MRE11: variants seen among roughly 807,000 people sequenced by gnomAD.
The protein encoded by MRE11 is double-strand break repair protein MRE11.
A neutral mutation model predicts 91.7 loss-of-function variants in MRE11; 62 were observed. The ratio of observed to expected loss-of-function variants is 0.68; its 90% CI spans 0.55 to 0.84. The LOEUF is 0.84. Among genes scored for constraint, MRE11 ranks in the 40% least tolerant of loss-of-function variants. MRE11 has a pLI of 0.00. For synonymous variants in MRE11, 273 were observed against 271.4 expected (o/e 1.01, Z -0.06); for missense variants, 796 against 852.9 (o/e 0.93, Z 0.83).
chr11:94,487,437 C>G (rs921190312), intron 3 of MRE11, among the ~76,000 whole-genome samples: 3 of 152,066 alleles, frequency 2.0e-5, no homozygotes, highest in African/African-American at 7.2e-5. Context: ...GAGGAAGATT[C>G]TATAAAATAA....
intron 5 of MRE11, among the ~76,000 whole-genome samples, chr11:94,479,364 T>C (rs888685265): frequency 4.6e-5 from 7 of 152,190 alleles, no homozygotes; most frequent in Non-Finnish European, 8.8e-5. Context: ...TGAGATTTTA[T>C]AAGATAGTTA....
rs201153937 is a variant in MRE11 at position 94,461,003 on chromosome 11, T to G, written c.1259A>C (p.Lys420Thr). 4.3e-6 allele frequency: 7 copies of G among 1,613,674 alleles called. No individual in the cohort carries two copies. In the East Asian group the frequency reaches 1.6e-4, roughly 36 times the overall value. The change falls in exon 12 of 20, where the codon AAG (lysine) becomes ACG (threonine). Residue 420 changes from lysine to threonine, a missense_variant. Physicochemically the swap from Lys to Thr is moderately conservative, Grantham distance 78. Transcript: ENST00000323929. ...EEINFGKLIT[K>T]PSEGTTLRVE... ...CCTTAAAGTTGTTCCTTCTGAAGGC[T>G]TTGTGATAAGTTTCCCAAAGTTGAT...
intron 11 of MRE11, 65 bp downstream of exon 11, chr11:94,464,048 T>A (rs575107214): frequency 1.3e-4 from 197 of 1,531,852 alleles, no homozygotes; most frequent in Non-Finnish European, 1.7e-4. Flanking sequence ...TTACAGTTTT[T>A]AATAAAGATT....
intron 11 of MRE11, among the ~76,000 whole-genome samples, chr11:94,463,526 C>A (rs1946476802): frequency 6.6e-6 from 1 of 152,138 alleles, no homozygotes; most frequent in Admixed American, 6.5e-5. Context: ...GACTTGGAAC[C>A]AACCCAAATT....
rs746675755 is a variant in MRE11, at chr11:94,470,576, C to T, written c.912G>A (p.Val304=). The change falls in exon 9 of 20, where the codon GTG becomes GTA. Residue 304 remains valine, a synonymous_variant. Coordinates refer to ENST00000323929, the MANE Select transcript of MRE11 (RefSeq NM_005591.4). ...MNMHKIPLHT[V]RQFFMEDIVL... is the part of the protein sequence containing the mutation. The stretch of plus-strand genomic sequence containing the variant: ...CAATATCCTCCATGAAAAACTGCCG[C>T]ACTGTGTGAAGAGGAATTTTATGCA... 5.0e-6 allele frequency: 8 copies of T among 1,613,188 alleles called. No homozygotes were observed. The Admixed American group carries it at 1.0e-4, about 20-fold the overall frequency.
upstream of MRE11, among the ~76,000 whole-genome samples, chr11:94,495,158 G>A (rs533259970): frequency 1.3e-5 from 2 of 152,240 alleles, no homozygotes; most frequent in Non-Finnish European, 2.9e-5. Flanking sequence ...TAGTGCTATT[G>A]CCACTAGTAA....
At position 94,460,988 on chromosome 11, in the gene MRE11, G is replaced by A. The variant is rs777730625; in HGVS notation, c.1274C>T (p.Thr425Ile). The A allele has an allele frequency of 6.2e-7, 1 of 1,613,750 alleles. No homozygotes were observed. Among genetic ancestry groups the A allele is most frequent in the South Asian group, 1.1e-5 (1 of 91,078 alleles). Residue 425 changes from threonine to isoleucine, a missense_variant, in exon 12 of 20, where the codon ACA becomes ATA. Thr to Ile is a moderately conservative substitution (Grantham distance 89, BLOSUM62 -1). Transcript: ENST00000323929. ...TACAAGATCTTCTACCCTTAAAGTT[G>A]TTCCTTCTGAAGGCTTTGTGATAAG... Reference protein sequence around the residue: ...GKLITKPSEGTTLRVEDLVKQ... With the variant: ...GKLITKPSEGITLRVEDLVKQ...
At chr11:94,469,048 T>A (rs1946641823) in intron 9 of MRE11, among the ~76,000 whole-genome samples, 1 of 152,036 alleles carries the variant, frequency 6.6e-6, no homozygotes, top group African/African-American at 2.4e-5. Flanking sequence ...TAATATAACT[T>A]AACTAAGTAC....
intron 4 of MRE11, among the ~76,000 whole-genome samples, chr11:94,480,320 T>C (rs1299782674): frequency 6.6e-6 from 1 of 152,230 alleles, no homozygotes; most frequent in Non-Finnish European, 1.5e-5. Context: ...ACATAAATGA[T>C]AGAAAAATAT....
intron 10 of MRE11, among the ~76,000 whole-genome samples, chr11:94,467,033 G>A (rs1197852108): frequency 6.6e-6 from 1 of 152,182 alleles, no homozygotes; most frequent in Non-Finnish European, 1.5e-5. Context: ...GATGAGACAC[G>A]ATCTATTGGA....
the MRE11 span, among the ~76,000 whole-genome samples, chr11:94,502,014 T>A: frequency 6.6e-6 from 1 of 152,038 alleles, no homozygotes; most frequent in Non-Finnish European, 1.5e-5. Flanking sequence ...ATGAAAGTTC[T>A]TATATATATA....
Position 94,419,334 on chromosome 11 carries a change from T to C in MRE11, c.*791A>G, listed in dbSNP as rs1322429201. On this transcript the variant is annotated 3_prime_UTR_variant, in exon 20 of 20. Coordinates refer to ENST00000323929, the MANE Select transcript of MRE11 (RefSeq NM_005591.4). ...AACTGACCACTCTACCTAAAACAAA[T>C]TCTTCAATATTTTCAAGATGTAGTT... The C allele has an allele frequency of 8.6e-6, 2 of 232,832 alleles. No individual in the cohort carries two copies. Among genetic ancestry groups the C allele is most frequent in the East Asian group, 1.2e-4 (2 of 16,500 alleles). The allele number at this position is 232,832 out of a possible 1,614,324, so 14.4% of individuals were successfully genotyped here. A position where few individuals can be genotyped will look rare whatever the true frequency, so the allele number is the denominator to read the frequency against.
At chr11:94,439,319 T>C (rs1309298957) in intron 16 of MRE11, among the ~76,000 whole-genome samples, 1 of 152,140 alleles carries the variant, frequency 6.6e-6, no homozygotes, top group East Asian at 1.9e-4. Flanking sequence ...ATAAAAATGT[T>C]TCACAAATTT....
chr11:94,498,479 C>T, upstream of MRE11: 6 of 1,613,906 alleles, frequency 3.7e-6, no homozygotes, highest in Non-Finnish European at 5.1e-6. Context: ...AAGTATCTAT[C>T]ACTACCTCTT....
intron 19 of MRE11, among the ~76,000 whole-genome samples, chr11:94,428,456 A>C (rs1945381045): frequency 6.6e-6 from 1 of 152,196 alleles, no homozygotes; most frequent in Admixed American, 6.6e-5. Flanking sequence ...CCAAGAAAAT[A>C]CCCTTCTCAA....
intron 3 of MRE11, among the ~76,000 whole-genome samples, chr11:94,490,192 T>G (rs1947250399): frequency 1.3e-5 from 2 of 152,182 alleles, no homozygotes; most frequent in African/African-American, 2.4e-5. Context: ...TTCCTTCTAG[T>G]CTCTCAGCAT....
upstream of MRE11, chr11:94,496,977 G>A: frequency 6.2e-7 from 1 of 1,610,536 alleles, no homozygotes; most frequent in Non-Finnish European, 8.5e-7. Context: ...ACAGAGGGAA[G>A]TGTGACAGTA....
chr11:94,464,417 T>C (rs1431158211), intron 10 of MRE11, among the ~76,000 whole-genome samples, 178 bp from the exon 11 acceptor site: 1 of 152,218 alleles, frequency 6.6e-6, no homozygotes, highest in Non-Finnish European at 1.5e-5. Context: ...AAACTAATGT[T>C]TGAAAAGTTT....
At chr11:94,434,292 C>T (rs1945539878) in intron 18 of MRE11, among the ~76,000 whole-genome samples, 1 of 152,080 alleles carries the variant, frequency 6.6e-6, no homozygotes, top group African/African-American at 2.4e-5. Flanking sequence ...AAGTCACATA[C>T]AGCTTATATT....
Sources: allele counts gnomAD v4.1 joint callset (sites outside exome capture counted in the v4.1 genomes callset), GRCh38; gene constraint gnomAD v4.1.1; transcripts MANE v1.5; gene names NCBI Gene and HGNC (gene_info 2026-07-23, HGNC 2026-07-21).